CHST8: variants seen among roughly 807,000 people sequenced by gnomAD.
The protein encoded by CHST8 is GALNAC-4-ST1.
In CHST8, 10 loss-of-function variants were observed where a neutral mutation model predicts 15.0. That is an observed-to-expected ratio of 0.67 (90% CI 0.41 to 1.13). The LOEUF is 1.13. Ranked by LOEUF, CHST8 falls within the 50% of genes most tolerant of loss-of-function variation. The pLI, the probability that CHST8 is intolerant of heterozygous loss-of-function variation, is 0.00. For synonymous variants in CHST8, 259 were observed against 256.6 expected (o/e 1.01, Z -0.09); for missense variants, 634 against 608.2 (o/e 1.04, Z -0.45).
chr19:33,627,005 A>G (rs1025223391), intron 1 of CHST8, among the ~76,000 whole-genome samples: 1 of 146,462 alleles, frequency 6.8e-6, no homozygotes, highest in Non-Finnish European at 1.5e-5. Context: ...GTCCAAGCTC[A>G]TCTTGAACTT....
intron 1 of CHST8, among the ~76,000 whole-genome samples, chr19:33,652,671 C>T (rs565727252): frequency 5.3e-5 from 8 of 152,188 alleles, no homozygotes; most frequent in East Asian, 1.9e-4. Flanking sequence ...CCACTGAGCC[C>T]GGACTATATT....
rs1428593210 is a variant in CHST8, at chr19:33,682,738, C to T, written c.-86-6438C>T. ...TTGTAGCATGTGTTGCTATCATTGACTTTTTGATTGACACATGCAAGCTGT... is the reference window on the plus strand; with the variant it reads ...TTGTAGCATGTGTTGCTATCATTGATTTTTTGATTGACACATGCAAGCTGT... On this transcript the variant is annotated intron_variant, in intron 2 of 4. Transcript: ENST00000650847. 3.9e-5 allele frequency among the ~76,000 whole-genome samples: 6 copies of T among 152,312 alleles called. No individual in the cohort carries two copies. The East Asian group carries it at 1.2e-3, about 29-fold the overall frequency.
chr19:33,708,769 A>T (rs1035776703), intron 3 of CHST8, among the ~76,000 whole-genome samples: 29 of 152,208 alleles, frequency 1.9e-4, no homozygotes, highest in Non-Finnish European at 4.4e-5. Context: ...AAAGAACAAC[A>T]CCTGCTGTGA....
intron 3 of CHST8, among the ~76,000 whole-genome samples, chr19:33,738,040 T>G (rs1974118347): frequency 6.6e-6 from 1 of 152,242 alleles, no homozygotes; most frequent in South Asian, 2.1e-4. Context: ...ATCTTGACAT[T>G]TAAATCCAAT....
At position 33,689,449 on chromosome 19, in the gene CHST8, A is replaced by C. The variant is rs147983715; in HGVS notation, c.130+58A>C. 139 of 1,486,398 alleles carry C rather than the reference A, an allele frequency of 9.4e-5. 1 individual carries two copies. In the East Asian group the frequency reaches 3.4e-3, roughly 36 times the overall value. 92.1% of individuals were successfully genotyped at this position (1,486,398 alleles called of 1,614,324 possible). On this transcript the variant is annotated intron_variant, in intron 3 of 4. Transcript: ENST00000650847. ...CCCCCAGCTTTCCAGCCTGAAGCTC[A>C]GGCCTCCACAGCTGCCCTGGTGTGC...
intron 1 of CHST8, among the ~76,000 whole-genome samples, chr19:33,667,069 C>T (rs76661607): frequency 0.014 from 2,123 of 152,224 alleles, 38 homozygotes; most frequent in African/African-American, 0.047. Flanking sequence ...GTGTATGCAT[C>T]GAGTGCCCAT....
At chr19:33,663,786 C>T (rs561555698) in intron 1 of CHST8, among the ~76,000 whole-genome samples, 1 of 152,242 alleles carries the variant, frequency 6.6e-6, no homozygotes, top group Admixed American at 6.5e-5. Flanking sequence ...AGGAGAATCG[C>T]TTGAACTCGG....
chr19:33,742,127 G>A (rs1273812933), intron 3 of CHST8, among the ~76,000 whole-genome samples: 1 of 152,128 alleles, frequency 6.6e-6, no homozygotes, highest in African/African-American at 2.4e-5. Context: ...TTAACCAAAT[G>A]GCTGTGGGTC....
At chr19:33,637,217 C>T (rs1025612973) in intron 1 of CHST8, among the ~76,000 whole-genome samples, 2 of 152,096 alleles carry the variant, frequency 1.3e-5, no homozygotes, top group Non-Finnish European at 2.9e-5. Flanking sequence ...TCTTTATGAC[C>T]TGTATCTTGT....
At chr19:33,641,672 G>T (rs1410394105) in intron 1 of CHST8, among the ~76,000 whole-genome samples, 3 of 151,910 alleles carry the variant, frequency 2.0e-5, no homozygotes, top group Non-Finnish European at 4.4e-5. Flanking sequence ...GACAGCCCAG[G>T]GTGGAAAATT....
intron 1 of CHST8, among the ~76,000 whole-genome samples, chr19:33,666,532 AG>A (rs1195618198): frequency 6.6e-6 from 1 of 152,184 alleles, no homozygotes; most frequent in Non-Finnish European, 1.5e-5. Flanking sequence ...GGTCTGGGGC[AG>A]GTGGCCGATG....
At chr19:33,662,080 T>G (rs1972594936) in intron 1 of CHST8, among the ~76,000 whole-genome samples, 1 of 151,970 alleles carries the variant, frequency 6.6e-6, no homozygotes, top group Non-Finnish European at 1.5e-5. Context: ...TTCTCTCTTT[T>G]TAAAATTTAT....
At chr19:33,637,426 G>T (rs1386960682) in intron 1 of CHST8, among the ~76,000 whole-genome samples, 1 of 147,436 alleles carries the variant, frequency 6.8e-6, no homozygotes, top group Non-Finnish European at 1.5e-5. Flanking sequence ...TTTTTGAGAC[G>T]GAGTCTCGCT....
intron 3 of CHST8, among the ~76,000 whole-genome samples, chr19:33,738,016 C>T (rs1974118078): frequency 6.6e-6 from 1 of 152,116 alleles, no homozygotes; most frequent in Non-Finnish European, 1.5e-5. Context: ...TGCTTTCCAC[C>T]CTACACTGAG....
intron 3 of CHST8, among the ~76,000 whole-genome samples, chr19:33,736,607 C>G (rs931686968): frequency 2.0e-5 from 3 of 152,018 alleles, no homozygotes; most frequent in Non-Finnish European, 4.4e-5. Flanking sequence ...GTGTGAGCAG[C>G]TCTGGGGACA....
At chr19:33,720,778 A>C (rs995246334) in intron 3 of CHST8, among the ~76,000 whole-genome samples, 5 of 152,330 alleles carry the variant, frequency 3.3e-5, no homozygotes, top group African/African-American at 1.2e-4. Flanking sequence ...CCACTCCCCT[A>C]TCCTCCTTCC....
intron 3 of CHST8, among the ~76,000 whole-genome samples, chr19:33,690,819 C>A (rs577438323): frequency 6.6e-6 from 1 of 152,228 alleles, no homozygotes; most frequent in African/African-American, 2.4e-5. Flanking sequence ...CTCGGGACAG[C>A]GCCACCAGGG....
intron 3 of CHST8, among the ~76,000 whole-genome samples, chr19:33,696,357 G>A (rs557111939): frequency 1.5e-4 from 23 of 152,158 alleles, no homozygotes; most frequent in African/African-American, 5.3e-4. Context: ...AGGCCGCACA[G>A]TAAGAGGTGA....
intron 1 of CHST8, among the ~76,000 whole-genome samples, chr19:33,629,548 C>T (rs1215418909): frequency 2.0e-5 from 3 of 152,242 alleles, no homozygotes; most frequent in African/African-American, 7.2e-5. Flanking sequence ...CTGCAGACAT[C>T]GGCCCTATCT....
Sources: allele counts gnomAD v4.1 joint callset (sites outside exome capture counted in the v4.1 genomes callset), GRCh38; gene constraint gnomAD v4.1.1; transcripts MANE v1.5; gene names NCBI Gene and HGNC (gene_info 2026-07-23, HGNC 2026-07-21).